The following TPO variants were observed in gnomAD, a reference collection of about 807,000 sequenced individuals.
TPO encodes the protein thyroid microsomal antigen.
Under a neutral mutation model 96.9 loss-of-function variants are expected in TPO, and 78 were observed. The ratio of observed to expected loss-of-function variants is 0.81; its 90% CI spans 0.67 to 0.97. The LOEUF (loss-of-function observed/expected upper bound fraction) is 0.97. Among genes scored for constraint, TPO ranks in the 50% least tolerant of loss-of-function variants. The probability of loss-of-function intolerance (pLI) is 0.00; values close to 1 mark genes in which losing one functional copy is unlikely to be tolerated. For missense variants in TPO, 1,252 were observed against 1,274.8 expected (o/e 0.98, Z 0.27); for synonymous variants, 547 against 538.0 (o/e 1.02, Z -0.23).
At chr2:1,540,887 A>G in intron 16 of TPO, 164 bp downstream of exon 16, 1 of 1,547,218 alleles carries the variant, frequency 6.5e-7, no homozygotes, top group Non-Finnish European at 8.7e-7. Context: ...CAAGCTAATG[A>G]CAGTGAGCCA....
intron 7 of TPO, among the ~76,000 whole-genome samples, chr2:1,462,943 C>T (rs546512570): frequency 3.3e-4 from 50 of 152,086 alleles, no homozygotes; most frequent in Non-Finnish European, 6.2e-4. Context: ...TAAAATGTTG[C>T]CCAGCTTAGT....
intron 15 of TPO, among the ~76,000 whole-genome samples, chr2:1,537,430 GTGTGCA>G (rs1680014332): frequency 1.4e-5 from 1 of 69,984 alleles, no homozygotes; most frequent in Non-Finnish European, 2.8e-5. Flanking sequence ...CCCTCCCATT[GTGTGCA>G]AACTCCCAAA....
upstream of TPO, among the ~76,000 whole-genome samples, chr2:1,411,679 G>T (rs1662355537): frequency 6.6e-6 from 1 of 152,162 alleles, no homozygotes; most frequent in African/African-American, 2.4e-5. Flanking sequence ...AGGCCTGGTT[G>T]TGCCTGGAGA....
chr2:1,531,756 T>TGC (rs1678310056), intron 15 of TPO, among the ~76,000 whole-genome samples: 1 of 3,128 alleles, frequency 3.2e-4, no homozygotes, highest in Non-Finnish European at 5.4e-4. Context: ...CCACTCTCTG[T>TGC]AACCTCCCCA....
chr2:1,376,577 A>G (rs1276855049), intron 1 of TPO, among the ~76,000 whole-genome samples: 4 of 152,092 alleles, frequency 2.6e-5, no homozygotes, highest in African/African-American at 9.7e-5. Context: ...GATGGTGCCC[A>G]GGGCAGTGCT....
At chr2:1,519,290 G>C (rs1230874632) in intron 15 of TPO, among the ~76,000 whole-genome samples, 1 of 152,212 alleles carries the variant, frequency 6.6e-6, no homozygotes, top group Non-Finnish European at 1.5e-5. Flanking sequence ...TGGAGCGAGA[G>C]CCTGTTACTT....
chr2:1,500,207 G>A lies in TPO; in HGVS notation c.2386+3442G>A, dbSNP rs370986353. On this transcript the variant is annotated intron_variant, in intron 13 of 16. Transcript: ENST00000329066. ...CCTCCCGAATGTGAGGGGAGCGCTAGGCTCTGCTCCAGAACCTGTTAATAC... is the reference window on the plus strand; with the variant it reads ...CCTCCCGAATGTGAGGGGAGCGCTAAGCTCTGCTCCAGAACCTGTTAATAC... 5.3e-5 allele frequency among the ~76,000 whole-genome samples: 8 copies of A among 152,340 alleles called. 1 individual carries two copies. Among genetic ancestry groups the A allele is most frequent in the African/African-American group, 1.4e-4 (6 of 41,580 alleles).
intron 15 of TPO, among the ~76,000 whole-genome samples, chr2:1,518,536 C>T (rs985396372): frequency 6.6e-6 from 1 of 152,348 alleles, no homozygotes; most frequent in South Asian, 2.1e-4. Flanking sequence ...TTCAGTTATT[C>T]TGCAAGGCCT....
At chr2:1,479,483 C>T (rs1026909042) in intron 8 of TPO, among the ~76,000 whole-genome samples, 1 of 152,188 alleles carries the variant, frequency 6.6e-6, no homozygotes, top group African/African-American at 2.4e-5. Context: ...TGAGTGAGAA[C>T]CTCATCCAGC....
upstream of TPO, among the ~76,000 whole-genome samples, chr2:1,412,732 G>A (rs1662478861): frequency 6.6e-6 from 1 of 152,172 alleles, no homozygotes; most frequent in South Asian, 2.1e-4. Context: ...CCGGGGGCAT[G>A]AAGAGGCTCC....
At position 1,542,673 on chromosome 2, in the gene TPO, C is replaced by A. The variant is rs1401277158; in HGVS notation, c.*199C>A. ...CATTTGTCTGGCCTTTTCTTGTAAA[C>A]ATTGCCTGATTTGTTCCTTCTGGGG... is the stretch of plus-strand genomic sequence containing the variant. On this transcript the variant is annotated 3_prime_UTR_variant, in exon 17 of 17. Transcript: ENST00000329066. 4.0e-5 allele frequency: 60 copies of A among 1,484,998 alleles called. No individual in the cohort carries two copies. Among genetic ancestry groups the A allele is most frequent in the Non-Finnish European group, 5.1e-5 (56 of 1,095,456 alleles). The allele number at this position is 1,484,998 out of a possible 1,614,324, so 92.0% of individuals were successfully genotyped here.
At chr2:1,421,760 G>A (rs2148430830) in intron 2 of TPO, among the ~76,000 whole-genome samples, 1 of 152,304 alleles carries the variant, frequency 6.6e-6, no homozygotes, top group East Asian at 1.9e-4. Flanking sequence ...AGCCCGGAAT[G>A]CTGGTCCTTG....
intron 14 of TPO, among the ~76,000 whole-genome samples, chr2:1,505,783 C>T (rs1342513430): frequency 1.3e-5 from 2 of 151,810 alleles, no homozygotes; most frequent in Non-Finnish European, 2.9e-5. Context: ...CTTTCTGTGT[C>T]CATGCAAAGG....
intron 5 of TPO, among the ~76,000 whole-genome samples, chr2:1,442,990 C>G (rs1666339548): frequency 6.6e-6 from 1 of 152,212 alleles, no homozygotes; most frequent in East Asian, 1.9e-4. Flanking sequence ...AAAGACAGCA[C>G]TTTCGGAGGC....
chr2:1,450,399 CAG>C (rs940115234), intron 5 of TPO, among the ~76,000 whole-genome samples: 115 of 152,322 alleles, frequency 7.5e-4, no homozygotes, highest in African/African-American at 2.7e-3. Context: ...CCAGGGAAAT[CAG>C]AGTGACTCGG....
intron 15 of TPO, among the ~76,000 whole-genome samples, chr2:1,533,280 A>C (rs1470710221): frequency 4.7e-4 from 7 of 14,894 alleles, no homozygotes; most frequent in African/African-American, 1.3e-3. Flanking sequence ...AAATCCCCCC[A>C]CTCTGCACAA....
At chr2:1,528,006 G>A (rs539834335) in intron 15 of TPO, among the ~76,000 whole-genome samples, 43 of 106,180 alleles carry the variant, frequency 4.0e-4, no homozygotes, top group Admixed American at 4.0e-3. Flanking sequence ...CCAATGTGAG[G>A]AACCTCCTCA....
chr2:1,504,096 C>A lies in TPO; in HGVS notation c.2518+17C>A. The A allele has an allele frequency of 6.2e-7, 1 of 1,613,864 alleles. No individual in the cohort carries two copies. Among genetic ancestry groups the A allele is most frequent in the African/African-American group, 1.3e-5 (1 of 75,064 alleles). On this transcript the variant is annotated intron_variant, in intron 14 of 16. Coordinates refer to ENST00000329066, the MANE Select transcript of TPO (RefSeq NM_001206744.2). Reference sequence around the variant, plus strand: ...CCTGCGTAGGTGAGGCTGTTCCCCTCTCTCTCTGTCCGTCCATTTGCGAGT... The same window carrying A: ...CCTGCGTAGGTGAGGCTGTTCCCCTATCTCTCTGTCCGTCCATTTGCGAGT...
intron 15 of TPO, among the ~76,000 whole-genome samples, chr2:1,535,448 TCTGTGCAACCTCCCCAAATCAGCC>T (rs1679407293): frequency 3.3e-5 from 1 of 30,668 alleles, no homozygotes. Flanking sequence ...TCCCCCCCAC[TCTGTGCAACCTCCCCAAATCAGCC>T]CCACTCCGTG....
Sources: gnomAD v4.1 joint callset for allele counts (sites outside exome capture counted in the v4.1 genomes callset) on GRCh38, gnomAD v4.1.1 for gene constraint, MANE v1.5 for transcripts, NCBI Gene and HGNC (gene_info 2026-07-23, HGNC 2026-07-21) for gene names.